Variants in TACC1 observed in about 807,000 individuals in gnomAD.
TACC1 encodes transforming acidic coiled-coil containing protein 1, also known as transforming acidic coiled-coil-containing protein 1.
TACC1 carries 48 observed loss-of-function variants against 84.4 expected under a neutral mutation model. The ratio of observed to expected loss-of-function variants is 0.57; its 90% CI spans 0.45 to 0.72. The LOEUF (loss-of-function observed/expected upper bound fraction) is 0.72, where lower values mean the gene tolerates loss of function less well. TACC1 is among the 30% of genes least tolerant of loss of function. TACC1 has a pLI of 0.00. For synonymous variants in TACC1, 372 were observed against 376.3 expected, an observed-to-expected ratio of 0.99 and a Z score of 0.13; for missense variants, 920 against 973.0, an observed-to-expected ratio of 0.95 and a Z score of 0.72.
At chr8:38,776,068 T>C (rs1232874335) in intron 3 of TACC1, among the ~76,000 whole-genome samples, 3 of 152,244 alleles carry the variant, frequency 2.0e-5, no homozygotes, top group African/African-American at 7.2e-5. Context: ...ATTGTTATTA[T>C]TTATCCTTAG....
chr8:38,838,039 A>G (rs1830553624), intron 7 of TACC1, among the ~76,000 whole-genome samples: 2 of 152,254 alleles, frequency 1.3e-5, no homozygotes, highest in South Asian at 4.1e-4. Flanking sequence ...GCTCATGCCA[A>G]CTTCCAGTGG....
Position 38,851,788 on chromosome 8 carries a change from G to T in TACC1, c.*3765G>T. The stretch of plus-strand genomic sequence containing the variant: ...AAAGTAAAGATGTATTTATTCTGAA[G>T]AATCTAAAAGATAACAGATTATTTG... On this transcript the variant is annotated 3_prime_UTR_variant, in exon 13 of 13. Transcript: ENST00000317827. The T allele has an allele frequency of 1.1e-5, 4 of 359,302 alleles. No individual in the cohort carries two copies. The highest frequency in any genetic ancestry group is 8.3e-5 in the South Asian group (4 of 48,294). The allele number at this position is 359,302 out of a possible 1,614,324, so 22.3% of individuals were successfully genotyped here. A position where few individuals can be genotyped will look rare whatever the true frequency, so the allele number is the denominator to read the frequency against.
intron 1 of TACC1, among the ~76,000 whole-genome samples, chr8:38,731,767 C>CAACAACAACAACAACAAA (rs1172157673): frequency 2.6e-5 from 4 of 151,480 alleles, no homozygotes; most frequent in East Asian, 1.9e-4. Context: ...ACAACAACAA[C>CAACAACAACAACAACAAA]AAAACTAGTC....
rs1003545564 is a variant in TACC1 at position 38,852,181 on chromosome 8, C to T, written c.*4158C>T. ...TCCAAATGCAATCCCATTTCTGTGCCTCTTAGCATGCAGTTAGATTTGGAC... is the reference window on the plus strand; with the variant it reads ...TCCAAATGCAATCCCATTTCTGTGCTTCTTAGCATGCAGTTAGATTTGGAC... On this transcript the variant is annotated 3_prime_UTR_variant, in exon 13 of 13. Transcript: ENST00000317827. 3 of 289,212 alleles carry T rather than the reference C, an allele frequency of 1.0e-5. No individual in the cohort carries two copies. The highest frequency in any genetic ancestry group is 6.5e-5 in the African/African-American group (3 of 45,908). The allele number at this position is 289,212 out of a possible 1,614,324, so 17.9% of individuals were successfully genotyped here. A position where few individuals can be genotyped will look rare whatever the true frequency, so the allele number is the denominator to read the frequency against.
intron 3 of TACC1, among the ~76,000 whole-genome samples, chr8:38,777,816 T>C (rs1815123840): frequency 6.6e-6 from 1 of 152,126 alleles, no homozygotes; most frequent in Non-Finnish European, 1.5e-5. Context: ...AAAAAGACAC[T>C]GCCCCAAATT....
chr8:38,798,694 A>T (rs1363017732), intron 2 of TACC1, among the ~76,000 whole-genome samples: 1 of 151,296 alleles, frequency 6.6e-6, no homozygotes, highest in Admixed American at 6.6e-5. Context: ...TGATGTACCT[A>T]AGAGGATGGT....
chr8:38,757,138 C>A, intron 3 of TACC1: 1 of 626,614 alleles, frequency 1.6e-6, no homozygotes, highest in Non-Finnish European at 2.2e-6. Flanking sequence ...CTGCAATCCG[C>A]GGAGAAGTTG....
At chr8:38,746,778 T>C (rs1808167271) in intron 3 of TACC1, among the ~76,000 whole-genome samples, 1 of 152,228 alleles carries the variant, frequency 6.6e-6, no homozygotes, top group South Asian at 2.1e-4. Context: ...TTGAATTTTG[T>C]AATTTATAAA....
chr8:38,788,587 G>GT, intron 1 of TACC1, 117 bp from the exon 2 acceptor site: 3 of 779,174 alleles, frequency 3.9e-6, no homozygotes, highest in Middle Eastern at 2.6e-4. Flanking sequence ...CTGAGGACCG[G>GT]TTGGTTGTGA....
chr8:38,840,485 A>G (rs950043048), intron 9 of TACC1: 10 of 417,172 alleles, frequency 2.4e-5, no homozygotes, highest in African/African-American at 6.1e-5. Context: ...GGTCTCTTTT[A>G]TAAGGACACT....
At chr8:38,751,267 A>T (rs1587238436) in intron 3 of TACC1, among the ~76,000 whole-genome samples, 1 of 152,218 alleles carries the variant, frequency 6.6e-6, no homozygotes, top group East Asian at 1.9e-4. Flanking sequence ...TGGATGCACC[A>T]TTCAGCTCTC....
intron 2 of TACC1, among the ~76,000 whole-genome samples, chr8:38,796,095 C>G (rs7010395): frequency 6.6e-6 from 1 of 152,106 alleles, no homozygotes; most frequent in Non-Finnish European, 1.5e-5. Flanking sequence ...CTGTTTCAGC[C>G]GTATTTATTT....
intron 2 of TACC1, among the ~76,000 whole-genome samples, chr8:38,743,627 A>G (rs540071187): frequency 1.5e-4 from 23 of 152,330 alleles, no homozygotes; most frequent in Non-Finnish European, 3.1e-4. Context: ...TTTCTCCTCA[A>G]TTTAATAATG....
chr8:38,753,351 C>G lies in TACC1; in HGVS notation c.26+7858C>G, dbSNP rs528169588. Among the ~76,000 whole-genome samples, 58 of 152,302 alleles carry G rather than the reference C, an allele frequency of 3.8e-4. 1 individual carries two copies. Among genetic ancestry groups the G allele is most frequent in the South Asian group, 1.5e-3 (7 of 4,822 alleles). On this transcript the variant is annotated intron_variant, in intron 3 of 14. Transcript: ENST00000518415. ...ACTTCTGGGCTCAAGAGATCCTCCCCTCTTGGCCTACCGAAGGGCTGAAAT... is the reference window on the plus strand; with the variant it reads ...ACTTCTGGGCTCAAGAGATCCTCCCGTCTTGGCCTACCGAAGGGCTGAAAT...
In TACC1 at chr8:38,729,368, T is replaced by A. The variant is rs115988923; in HGVS notation, c.-675+697T>A. 5.3e-3 allele frequency among the ~76,000 whole-genome samples: 800 copies of A among 152,298 alleles called. 8 individuals carry two copies. The highest frequency in any genetic ancestry group is 0.019 in the African/African-American group (769 of 41,556). On this transcript the variant is annotated intron_variant, in intron 1 of 14. Transcript: ENST00000518415. Reference sequence around the variant, plus strand: ...CGTTTCTGTCTGGGGCAGAGCTAACTGGTCTACCCAGGAGCCTGCGTGTAG... The same window carrying A: ...CGTTTCTGTCTGGGGCAGAGCTAACAGGTCTACCCAGGAGCCTGCGTGTAG...
intron 10 of TACC1, 55 bp from the exon 11 acceptor site, chr8:38,843,234 G>T: frequency 8.3e-7 from 1 of 1,208,946 alleles, no homozygotes; most frequent in East Asian, 2.5e-5. Flanking sequence ...CTGATATGTG[G>T]TAGATTAGAA....
intron 1 of TACC1, among the ~76,000 whole-genome samples, chr8:38,733,211 C>CT (rs1378853038): frequency 6.6e-6 from 1 of 152,056 alleles, no homozygotes; most frequent in Non-Finnish European, 1.5e-5. Context: ...CAGTCACACT[C>CT]TAACAAGACA....
chr8:38,849,359 G>A lies in TACC1; in HGVS notation c.*1336G>A, dbSNP rs191370495. 2.6e-5 allele frequency: 4 copies of A among 152,258 alleles called. No individual in the cohort carries two copies. Among genetic ancestry groups the A allele is most frequent in the Admixed American group, 2.6e-4 (4 of 15,300 alleles). The allele number at this position is 152,258 out of a possible 1,614,324, so 9.4% of individuals were successfully genotyped here. On this transcript the variant is annotated 3_prime_UTR_variant, in exon 13 of 13. Coordinates refer to ENST00000317827, the MANE Select transcript of TACC1 (RefSeq NM_006283.3). ...GTGGTGGGCCATTAACCCCAACATG[G>A]AATTTTTCCATATAAATCTCAATGA...
intron 1 of TACC1, among the ~76,000 whole-genome samples, chr8:38,732,318 T>A (rs1428480727): frequency 6.6e-6 from 1 of 151,970 alleles, no homozygotes; most frequent in Non-Finnish European, 1.5e-5. Flanking sequence ...CTTGTTTTTT[T>A]TTTCAATGCC....
Sources: gnomAD v4.1 joint callset for allele counts (sites outside exome capture counted in the v4.1 genomes callset) on GRCh38, gnomAD v4.1.1 for gene constraint, MANE v1.5 for transcripts, NCBI Gene and HGNC (gene_info 2026-07-23, HGNC 2026-07-21) for gene names.